Variants in GADL1 observed in about 807,000 individuals in gnomAD.
The protein encoded by GADL1 is acidic amino acid decarboxylase GADL1.
A neutral mutation model predicts 69.5 loss-of-function variants in GADL1; 71 were observed. That is an observed-to-expected ratio of 1.02 (90% CI 0.84 to 1.25). The LOEUF is 1.25. GADL1 is among the 50% of genes most tolerant of loss of function. GADL1 has a pLI of 0.00. For missense variants in GADL1, 737 were observed against 631.8 expected (o/e 1.17, Z -1.79); for synonymous variants, 254 against 214.4 (o/e 1.18, Z -1.62).
intron 1 of GADL1, among the ~76,000 whole-genome samples, chr3:30,891,489 G>A (rs1698786179): frequency 6.6e-6 from 1 of 152,050 alleles, no homozygotes; most frequent in Admixed American, 6.5e-5. Context: ...GCAGAGGCAG[G>A]CAAAGGAGGC....
chr3:30,892,549 A>T (rs937722913), intron 1 of GADL1, among the ~76,000 whole-genome samples: 1 of 152,198 alleles, frequency 6.6e-6, no homozygotes, highest in African/African-American at 2.4e-5. Context: ...CTATTTATAA[A>T]TCATATATTC....
Position 30,850,063 on chromosome 3 carries a change from T to C in GADL1, c.584A>G (p.Tyr195Cys). Residue 195 changes from tyrosine (Y) to cysteine (C), a missense_variant, in exon 6 of 15, where the codon TAT (tyrosine) becomes TGT (cysteine). By Grantham distance (194) the Tyr-to-Cys change is radical. Coordinates refer to ENST00000282538, the MANE Select transcript of GADL1 (RefSeq NM_207359.3). ...CCCCTTTTCCTTAATATCAGGACAATATTTGTATCTAGCTAAATTCATTGC... is the reference window on the plus strand; with the variant it reads ...CCCCTTTTCCTTAATATCAGGACAACATTTGTATCTAGCTAAATTCATTGC... ...MYAMNLARYK[Y>C]CPDIKEKGLS... The C allele has an allele frequency of 6.2e-7, 1 of 1,611,870 alleles. No homozygotes were observed. The highest frequency in any genetic ancestry group is 8.5e-7 in the Non-Finnish European group (1 of 1,178,308).
chr3:30,797,515 C>A (rs1190169133), intron 12 of GADL1, among the ~76,000 whole-genome samples: 1 of 152,220 alleles, frequency 6.6e-6, no homozygotes, highest in South Asian at 2.1e-4. Flanking sequence ...GTTTGAGATA[C>A]GTGTTATTAT....
At chr3:30,775,012 G>A (rs7635358) in intron 14 of GADL1, among the ~76,000 whole-genome samples, 1 of 151,936 alleles carries the variant, frequency 6.6e-6, no homozygotes. Context: ...GAAGACCTAA[G>A]ATATCATAAT....
chr3:30,784,694 A>C lies in GADL1; in HGVS notation c.1302+1661T>G, dbSNP rs556807225. On this transcript the variant is annotated intron_variant, in intron 13 of 14. Transcript: ENST00000282538. ...TGCTTATTTTTCTCTTGTCCTCTTC[A>C]CTATTGCTTTTTCAACATTCCTCTC... Among the ~76,000 whole-genome samples the C allele has an allele frequency of 1.3e-4, 20 of 152,266 alleles. No individual in the cohort carries two copies. In the South Asian group the frequency reaches 4.1e-3, roughly 32 times the overall value.
intron 6 of GADL1, among the ~76,000 whole-genome samples, chr3:30,849,075 C>A (rs1023080744): frequency 2.0e-5 from 3 of 152,070 alleles, no homozygotes; most frequent in Non-Finnish European, 4.4e-5. Flanking sequence ...TTGCCATGCC[C>A]TTTTATACCT....
intron 11 of GADL1, 97 bp downstream of exon 11, chr3:30,833,756 C>A: frequency 1.3e-6 from 1 of 783,678 alleles, no homozygotes; most frequent in Admixed American, 2.0e-5. Flanking sequence ...ATTTACGCCT[C>A]GCCCAAGTCA....
intron 14 of GADL1, among the ~76,000 whole-genome samples, chr3:30,776,191 C>T (rs953986473): frequency 3.9e-5 from 6 of 152,186 alleles, no homozygotes; most frequent in African/African-American, 1.2e-4. Flanking sequence ...ATTCTAATCC[C>T]TGTCAGTCCA....
intron 6 of GADL1, among the ~76,000 whole-genome samples, chr3:30,844,772 T>C (rs748737871): frequency 1.3e-5 from 2 of 152,120 alleles, no homozygotes; most frequent in African/African-American, 4.8e-5. Flanking sequence ...GCCTACTCCA[T>C]CTGCTCGTGC....
At chr3:30,879,737 T>C (rs889423304) in intron 1 of GADL1, among the ~76,000 whole-genome samples, 25 of 151,922 alleles carry the variant, frequency 1.6e-4, no homozygotes, top group African/African-American at 5.8e-4. Context: ...GCATTAAATA[T>C]TACTTTTTCT....
At chr3:30,744,162 T>C (rs1283808892) in intron 14 of GADL1, among the ~76,000 whole-genome samples, 1 of 152,218 alleles carries the variant, frequency 6.6e-6, no homozygotes, top group Non-Finnish European at 1.5e-5. Context: ...TTTGGTTAGA[T>C]CTAGGTGAGT....
chr3:30,768,855 G>A (rs896675921), intron 14 of GADL1, among the ~76,000 whole-genome samples: 1 of 152,122 alleles, frequency 6.6e-6, no homozygotes, highest in Non-Finnish European at 1.5e-5. Flanking sequence ...TGTTCACTCC[G>A]CATTTAGTGT....
intron 14 of GADL1, among the ~76,000 whole-genome samples, chr3:30,743,913 G>A (rs1036330967): frequency 1.3e-5 from 2 of 152,108 alleles, no homozygotes; most frequent in Non-Finnish European, 2.9e-5. Flanking sequence ...TCCCTTTGGT[G>A]CAAGAATAGC....
chr3:30,846,477 G>A (rs1369555715), intron 6 of GADL1, among the ~76,000 whole-genome samples: 1 of 152,046 alleles, frequency 6.6e-6, no homozygotes, highest in Non-Finnish European at 1.5e-5. Flanking sequence ...TCTCCTCAAT[G>A]TACACTGTGC....
intron 1 of GADL1, among the ~76,000 whole-genome samples, chr3:30,867,424 A>ATATATATATATATATACACATATATG (rs1698419341): frequency 1.6e-5 from 2 of 124,044 alleles, no homozygotes; most frequent in African/African-American, 8.6e-5. Context: ...ACAATACTAC[A>ATATATATATATATATACACATATATG]TATATATATA....
intron 4 of GADL1, among the ~76,000 whole-genome samples, chr3:30,851,369 C>T (rs1345610185): frequency 2.0e-5 from 3 of 152,032 alleles, no homozygotes; most frequent in Admixed American, 2.0e-4. Flanking sequence ...GCTAACAGTC[C>T]CCTCTAGATA....
At chr3:30,748,163 G>A (rs1396327564) in intron 14 of GADL1, among the ~76,000 whole-genome samples, 1 of 152,164 alleles carries the variant, frequency 6.6e-6, no homozygotes, top group Admixed American at 6.5e-5. Context: ...CAAATCAATG[G>A]CATAGACACT....
chr3:30,830,432 C>T (rs1332330125), intron 11 of GADL1, among the ~76,000 whole-genome samples: 1 of 151,938 alleles, frequency 6.6e-6, no homozygotes, highest in Non-Finnish European at 1.5e-5. Context: ...AGCCATGAAC[C>T]TTGCAAATTG....
chr3:30,781,115 A>C lies in GADL1; in HGVS notation c.1303-2847T>G, dbSNP rs190938228. Among the ~76,000 whole-genome samples the C allele has an allele frequency of 3.6e-4, 55 of 152,306 alleles. 1 individual carries two copies. The highest frequency in any genetic ancestry group is 2.8e-3 in the Admixed American group (43 of 15,292). ...TCCACAAAATTAGGAAGGTATTTACAGGAGTCCAAGTATCTAGTGAAGGGT... is the reference window on the plus strand; with the variant it reads ...TCCACAAAATTAGGAAGGTATTTACCGGAGTCCAAGTATCTAGTGAAGGGT... On this transcript the variant is annotated intron_variant, in intron 13 of 14. Coordinates refer to ENST00000282538, the MANE Select transcript of GADL1 (RefSeq NM_207359.3).
Sources: gnomAD v4.1 joint callset for allele counts (sites outside exome capture counted in the v4.1 genomes callset) on GRCh38, gnomAD v4.1.1 for gene constraint, MANE v1.5 for transcripts, NCBI Gene and HGNC (gene_info 2026-07-23, HGNC 2026-07-21) for gene names.